The following ICE1 variants were observed in gnomAD, a reference collection of about 807,000 sequenced individuals.
ICE1 encodes interactor of little elongation complex ELL subunit 1.
In ICE1, 64 loss-of-function variants were observed where a neutral mutation model predicts 192.7. The ratio of observed to expected loss-of-function variants is 0.33; its 90% CI spans 0.27 to 0.41. ICE1 has a LOEUF of 0.41. ICE1 is among the 10% of genes least tolerant of loss of function. The pLI is 1.00. For synonymous variants in ICE1, 1,010 were observed against 984.5 expected, an observed-to-expected ratio of 1.03 and a Z score of -0.49; for missense variants, 2,708 against 2,696.0, an observed-to-expected ratio of 1.00 and a Z score of -0.10.
At chr5:5,431,435 C>A (rs540978132) in intron 1 of ICE1, among the ~76,000 whole-genome samples, 1 of 152,260 alleles carries the variant, frequency 6.6e-6, no homozygotes, top group Non-Finnish European at 1.5e-5. Context: ...CTCTTCACCC[C>A]CATCTCCATT....
intron 1 of ICE1, among the ~76,000 whole-genome samples, chr5:5,427,563 T>C (rs866055294): frequency 1.3e-5 from 2 of 152,230 alleles, no homozygotes; most frequent in Admixed American, 6.5e-5. Context: ...GTTTGATGTA[T>C]GGTTGTCCTT....
At chr5:5,456,156 A>G (rs529478637) in intron 11 of ICE1, among the ~76,000 whole-genome samples, 9 of 152,308 alleles carry the variant, frequency 5.9e-5, no homozygotes, top group Non-Finnish European at 1.2e-4. Flanking sequence ...TGATGTGGAT[A>G]TGTATTATCA....
chr5:5,467,875 T>C (rs1561094242), intron 14 of ICE1, among the ~76,000 whole-genome samples: 1 of 152,352 alleles, frequency 6.6e-6, no homozygotes, highest in East Asian at 1.9e-4. Flanking sequence ...ATTAAAACAT[T>C]CATTTATCCT....
chr5:5,464,225 C>T lies in ICE1; in HGVS notation c.4891C>T (p.Pro1631Ser). The T allele has an allele frequency of 1.9e-6, 3 of 1,613,560 alleles. No homozygotes were observed. The highest frequency in any genetic ancestry group is 2.5e-6 in the Non-Finnish European group (3 of 1,179,832). The change falls in exon 13 of 19, where the codon CCT becomes TCT. Residue 1631 changes from proline (P) to serine (S), a missense_variant. Pro to Ser is a moderately conservative substitution (Grantham distance 74, BLOSUM62 -1). Coordinates refer to ENST00000296564, the MANE Select transcript of ICE1 (RefSeq NM_015325.3). The surrounding 1 kb of genome is among the most constrained non-coding windows in gnomAD (Gnocchi z 4.0). Reference sequence around the variant, plus strand: ...TAAAATACGGCAAGAGGTGGGGCCTCCTTTGCCGCCTCTGCTTGCTCCTCT... The same window carrying T: ...TAAAATACGGCAAGAGGTGGGGCCTTCTTTGCCGCCTCTGCTTGCTCCTCT... The part of the protein sequence containing the change: ...LSKIRQEVGP[P>S]LPPLLAPLIA...
chr5:5,457,702 A>G lies in ICE1; in HGVS notation c.1062A>G (p.Ser354=). Residue 354 remains serine, a synonymous_variant, in exon 12 of 19, where the codon TCA becomes TCG. Transcript: ENST00000296564. ...CAGTGCCCTCGCCCCCTCCGATGTC[A>G]TCACCTCACCCGGGTTCCTTACCGT... ...LSPVPSPPPM[S]SPHPGSLPSS... 1 of 1,613,482 alleles carries G rather than the reference A, an allele frequency of 6.2e-7. No homozygotes were observed. Among genetic ancestry groups the G allele is most frequent in the South Asian group, 1.1e-5 (1 of 91,024 alleles).
In ICE1 at chr5:5,457,660, C is replaced by G. The variant is rs1433752263; in HGVS notation, c.1020C>G (p.Pro340=). The G allele has an allele frequency of 6.2e-7, 1 of 1,613,576 alleles. No individual in the cohort carries two copies. Among genetic ancestry groups the G allele is most frequent in the Non-Finnish European group, 8.5e-7 (1 of 1,179,814 alleles). The change falls in exon 12 of 19, where the codon CCC becomes CCG. Residue 340 remains proline (P), a synonymous_variant. Transcript: ENST00000296564. The part of the protein sequence containing the change: ...LQAAIDFFKL[P]PPLLSPVPSP... ...CTGCAATTGACTTCTTCAAACTTCC[C>G]CCTCCTCTTCTGTCACCAGTGCCCT...
intron 1 of ICE1, among the ~76,000 whole-genome samples, chr5:5,430,863 C>A (rs1308613681): frequency 6.6e-6 from 1 of 152,182 alleles, no homozygotes; most frequent in Non-Finnish European, 1.5e-5. Context: ...ATGATTGTAT[C>A]TTTAATTCAA....
At chr5:5,430,945 C>A (rs1282767293) in intron 1 of ICE1, among the ~76,000 whole-genome samples, 1 of 152,190 alleles carries the variant, frequency 6.6e-6, no homozygotes, top group Non-Finnish European at 1.5e-5. Flanking sequence ...TTATATGGTG[C>A]ATCTTATTTA....
chr5:5,469,029 ATAT>A (rs1172300405), intron 15 of ICE1, 41 bp downstream of exon 15: 1 of 1,299,268 alleles, frequency 7.7e-7, no homozygotes, highest in Non-Finnish European at 1.0e-6. Flanking sequence ...TTACTTTTAG[ATAT>A]TATATAAATG....
At chr5:5,478,718 A>G (rs1739412648) in intron 17 of ICE1, among the ~76,000 whole-genome samples, 1 of 152,348 alleles carries the variant, frequency 6.6e-6, no homozygotes, top group South Asian at 2.1e-4. Flanking sequence ...ATAGAAGCCA[A>G]AATAGCATGA....
chr5:5,455,906 C>T (rs920746568), intron 11 of ICE1, among the ~76,000 whole-genome samples: 1 of 152,154 alleles, frequency 6.6e-6, no homozygotes, highest in African/African-American at 2.4e-5. Flanking sequence ...CAGGAACCCA[C>T]GTTGCCTTTA....
At chr5:5,434,619 T>C (rs1009281269) in intron 1 of ICE1, among the ~76,000 whole-genome samples, 7 of 152,168 alleles carry the variant, frequency 4.6e-5, no homozygotes, top group African/African-American at 1.4e-4. Flanking sequence ...ATAGTACTCA[T>C]GCTAGTGGTA....
chr5:5,484,594 A>G (rs922490836), intron 17 of ICE1, among the ~76,000 whole-genome samples: 3 of 152,218 alleles, frequency 2.0e-5, no homozygotes, highest in Non-Finnish European at 4.4e-5. Flanking sequence ...GATATTTACA[A>G]TATCATCTTA....
At chr5:5,459,342 T>C (rs1031724386) in intron 12 of ICE1, among the ~76,000 whole-genome samples, 2 of 151,946 alleles carry the variant, frequency 1.3e-5, no homozygotes, top group South Asian at 2.1e-4. Flanking sequence ...ATAGCAAATA[T>C]AAGAAGTGAC....
intron 6 of ICE1, 64 bp downstream of exon 6, chr5:5,443,308 G>T: frequency 2.3e-6 from 2 of 882,074 alleles, no homozygotes; most frequent in South Asian, 1.8e-5. Flanking sequence ...TAATTCTTAA[G>T]TCGGTAGTGT....
intron 15 of ICE1, among the ~76,000 whole-genome samples, chr5:5,471,314 G>T (rs1739149138): frequency 6.6e-6 from 1 of 152,118 alleles, no homozygotes. Flanking sequence ...TAGAAAACTT[G>T]AAAAGACTGG....
intron 1 of ICE1, among the ~76,000 whole-genome samples, chr5:5,423,634 G>A (rs1299409008): frequency 6.6e-6 from 1 of 152,238 alleles, no homozygotes; most frequent in Non-Finnish European, 1.5e-5. Flanking sequence ...CTTCTTTAGA[G>A]TGACATAAGG....
chr5:5,473,772 T>A, intron 16 of ICE1, 24 bp downstream of exon 16: 1 of 1,489,328 alleles, frequency 6.7e-7, no homozygotes, highest in Admixed American at 2.4e-5. Flanking sequence ...CTAATTTAAA[T>A]AAAGATATGT....
At chr5:5,447,994 G>T in intron 10 of ICE1, 97 bp downstream of exon 10, 1 of 874,606 alleles carries the variant, frequency 1.1e-6, no homozygotes. Flanking sequence ...AAAGTGCCAG[G>T]GCTTAGTAGA....
Sources: gnomAD v4.1 joint callset for allele counts (sites outside exome capture counted in the v4.1 genomes callset) on GRCh38, gnomAD v4.1.1 for gene constraint, Gnocchi (gnomAD v3.1) non-coding constraint, MANE v1.5 for transcripts, NCBI Gene and HGNC (gene_info 2026-07-23, HGNC 2026-07-21) for gene names.